The following ANKHD1 variants were observed in gnomAD, a reference collection of about 807,000 sequenced individuals.
ANKHD1 encodes ankyrin repeat and KH domain-containing protein 1.
Under a neutral mutation model 230.5 loss-of-function variants are expected in ANKHD1, and 31 were observed. The observed-to-expected ratio is 0.13, with a 90% CI of 0.10 to 0.18. The LOEUF (loss-of-function observed/expected upper bound fraction) is 0.18, where lower values mean the gene tolerates loss of function less well. Among genes scored for constraint, ANKHD1 ranks in the 10% least tolerant of loss-of-function variants. ANKHD1 has a pLI of 1.00. For synonymous variants in ANKHD1, 1,074 were observed against 1,117.6 expected, an observed-to-expected ratio of 0.96 and a Z score of 0.78; for missense variants, 2,256 against 3,071.3, an observed-to-expected ratio of 0.73 and a Z score of 6.27.
At chr5:140,427,919 C>T (rs1267822751) in intron 1 of ANKHD1, among the ~76,000 whole-genome samples, 9 of 149,464 alleles carry the variant, frequency 6.0e-5, no homozygotes, top group East Asian at 4.0e-4. Flanking sequence ...ACTTCTCAGA[C>T]GGGGCGGTTG....
At chr5:140,508,049 A>G (rs1254667920) in intron 20 of ANKHD1, 51 bp downstream of exon 20, 1 of 1,568,350 alleles carries the variant, frequency 6.4e-7, no homozygotes, top group Non-Finnish European at 8.6e-7. Flanking sequence ...TGTAGAAAGA[A>G]CATGGCATTT....
intron 25 of ANKHD1, among the ~76,000 whole-genome samples, 157 bp from the exon 26 acceptor site, chr5:140,525,839 A>G (rs969528559): frequency 3.3e-5 from 5 of 152,158 alleles, no homozygotes; most frequent in African/African-American, 1.2e-4. Context: ...CCATCTAAAA[A>G]AAAAAAAAAA....
At chr5:140,489,023 A>G (rs1751641520) in intron 14 of ANKHD1, among the ~76,000 whole-genome samples, 1 of 151,980 alleles carries the variant, frequency 6.6e-6, no homozygotes, top group South Asian at 2.1e-4. Flanking sequence ...AACCCTGTCT[A>G]ACAAAAAAAT....
chr5:140,534,047 T>C lies in ANKHD1; in HGVS notation c.6851-1315T>C, dbSNP rs147090720. Among the ~76,000 whole-genome samples, 5 of 152,212 alleles carry C rather than the reference T, an allele frequency of 3.3e-5. No homozygotes were observed. In the East Asian group the frequency reaches 9.7e-4, roughly 29 times the overall value. ...TAGGAAATGCATTAAGTTACCCACA[T>C]GTCCAGAGTAGGCAAATCTATAGAG... is the stretch of plus-strand genomic sequence containing the variant. On this transcript the variant is annotated intron_variant, in intron 29 of 33. Transcript: ENST00000360839.
intron 1 of ANKHD1, among the ~76,000 whole-genome samples, chr5:140,433,705 G>GACT (rs1439640846): frequency 6.6e-6 from 1 of 152,044 alleles, no homozygotes; most frequent in African/African-American, 2.4e-5. Flanking sequence ...GAGAATGAGA[G>GACT]ACTACTGGAA....
intron 15 of ANKHD1, 93 bp from the exon 16 acceptor site, chr5:140,504,728 A>G (rs1054584334): frequency 1.3e-6 from 2 of 1,486,780 alleles, no homozygotes; most frequent in African/African-American, 1.4e-5. Flanking sequence ...ACTACATATT[A>G]CTGCTATGGA....
intron 8 of ANKHD1, 96 bp from the exon 9 acceptor site, chr5:140,459,068 G>C: frequency 9.0e-7 from 1 of 1,111,938 alleles, no homozygotes; most frequent in African/African-American, 1.7e-5. Flanking sequence ...AACCACAGAA[G>C]CAGAGAAGAC....
At chr5:140,477,981 T>A (rs1751060518) in intron 10 of ANKHD1, among the ~76,000 whole-genome samples, 1 of 152,174 alleles carries the variant, frequency 6.6e-6, no homozygotes, top group South Asian at 2.1e-4. Context: ...GAAACTGAGT[T>A]ACCAGTGCAC....
chr5:140,421,114 A>G (rs1306265888), intron 1 of ANKHD1, among the ~76,000 whole-genome samples: 2 of 152,062 alleles, frequency 1.3e-5, no homozygotes, highest in African/African-American at 4.8e-5. Context: ...CCCCTCTCTC[A>G]CAAAGCCTGA....
rs945939709 is a variant in ANKHD1, at chr5:140,482,640, T to G, written c.1843T>G (p.Cys615Gly). The part of the protein sequence containing the change: ...LMKAARAGHL[C>G]TVQFLISKGA... ...GAAAGCTGCAAGAGCTGGTCATTTGTGCACTGTGCAGTTTCTTATTAGCAA... is the reference window on the plus strand; with the variant it reads ...GAAAGCTGCAAGAGCTGGTCATTTGGGCACTGTGCAGTTTCTTATTAGCAA... Residue 615 changes from cysteine to glycine, a missense_variant, in exon 11 of 34, where the codon TGC becomes GGC. Physicochemically the swap from Cys to Gly is radical, Grantham distance 159. Transcript: ENST00000360839. 6.2e-7 allele frequency: 1 copy of G among 1,613,220 alleles called. No individual in the cohort carries two copies. Among genetic ancestry groups the G allele is most frequent in the Non-Finnish European group, 8.5e-7 (1 of 1,179,614 alleles).
rs1752570286 is a variant in ANKHD1 at position 140,507,069 on chromosome 5, A to C, written c.3551+92A>C. ...TTAACGTTTAGACAGATACATTTTA[A>C]ATTAAGATAGTACTAAAGTTGCAAA... On this transcript the variant is annotated intron_variant, in intron 19 of 33. Coordinates refer to ENST00000360839, the MANE Select transcript of ANKHD1 (RefSeq NM_017747.3). This position sits in a 1 kb window ranked among gnomAD's most constrained non-coding sequence, Gnocchi z 4.1. The C allele has an allele frequency of 6.6e-7, 1 of 1,526,316 alleles. No homozygotes were observed. The highest frequency in any genetic ancestry group is 8.7e-7 in the Non-Finnish European group (1 of 1,144,124). The allele number at this position is 1,526,316 out of a possible 1,614,324, so 94.5% of individuals were successfully genotyped here.
At chr5:140,519,331 A>G (rs1753205006) in intron 24 of ANKHD1, among the ~76,000 whole-genome samples, 1 of 152,258 alleles carries the variant, frequency 6.6e-6, no homozygotes, top group South Asian at 2.1e-4. Flanking sequence ...AAGAATCAGT[A>G]TCGTGAAAAT....
chr5:140,464,899 G>T, intron 10 of ANKHD1, 123 bp downstream of exon 10: 1 of 989,138 alleles, frequency 1.0e-6, no homozygotes, highest in Non-Finnish European at 1.4e-6. Context: ...AAAAAAGCTT[G>T]GCTACCTGTT....
At position 140,507,040 on chromosome 5, in the gene ANKHD1, C is replaced by A; in HGVS notation, c.3551+63C>A. On this transcript the variant is annotated intron_variant, in intron 19 of 33. Transcript: ENST00000360839. The surrounding 1 kb of genome is among the most constrained non-coding windows in gnomAD (Gnocchi z 4.1). ...TTACTACTTTGGACTTAAATGTCTA[C>A]CTCTTAACGTTTAGACAGATACATT... is the stretch of plus-strand genomic sequence containing the variant. 1.9e-6 allele frequency: 3 copies of A among 1,583,536 alleles called. No homozygotes were observed. Among genetic ancestry groups the A allele is most frequent in the Non-Finnish European group, 2.6e-6 (3 of 1,168,450 alleles).
chr5:140,420,984 G>T (rs759124158), intron 1 of ANKHD1, among the ~76,000 whole-genome samples: 2 of 152,210 alleles, frequency 1.3e-5, no homozygotes, highest in Non-Finnish European at 2.9e-5. Flanking sequence ...TCTATATGCT[G>T]TAGGTGGGGA....
At chr5:140,529,903 G>A in intron 29 of ANKHD1, 107 bp downstream of exon 29, 4 of 1,455,734 alleles carry the variant, frequency 2.7e-6, no homozygotes, top group Non-Finnish European at 3.6e-6. Flanking sequence ...CATATAATGA[G>A]CTGCTTTAGA....
At chr5:140,420,351 T>G (rs1464659533) in intron 1 of ANKHD1, among the ~76,000 whole-genome samples, 5 of 152,074 alleles carry the variant, frequency 3.3e-5, no homozygotes, top group African/African-American at 1.2e-4. Flanking sequence ...AATTTATATA[T>G]TTATCTTTTT....
intron 10 of ANKHD1, among the ~76,000 whole-genome samples, chr5:140,468,137 C>T (rs1484241292): frequency 4.0e-5 from 5 of 125,480 alleles, no homozygotes; most frequent in Admixed American, 2.0e-4. Flanking sequence ...TGCAGTGGCA[C>T]GATCTCGGCT....
At chr5:140,441,900 A>G (rs1773878254) in intron 5 of ANKHD1, among the ~76,000 whole-genome samples, 1 of 152,094 alleles carries the variant, frequency 6.6e-6, no homozygotes, top group Non-Finnish European at 1.5e-5. Context: ...ATATGGAGGC[A>G]AAATTATAAA....
Sources: allele counts gnomAD v4.1 joint callset (sites outside exome capture counted in the v4.1 genomes callset), GRCh38; gene constraint gnomAD v4.1.1; non-coding constraint Gnocchi (gnomAD v3.1); transcripts MANE v1.5; gene names NCBI Gene and HGNC (gene_info 2026-07-23, HGNC 2026-07-21).